The following KCNH5 variants were observed in gnomAD, a reference collection of about 807,000 sequenced individuals.
KCNH5 encodes voltage-gated delayed rectifier potassium channel KCNH5.
A neutral mutation model predicts 96.1 loss-of-function variants in KCNH5; 46 were observed. The ratio of observed to expected loss-of-function variants is 0.48; its 90% CI spans 0.38 to 0.61. The LOEUF is 0.61. KCNH5 is among the 20% of genes least tolerant of loss of function. The pLI, the probability that KCNH5 is intolerant of heterozygous loss-of-function variation, is 0.00. For missense variants in KCNH5, 907 were observed against 1,225.8 expected, an observed-to-expected ratio of 0.74 and a Z score of 3.88; for synonymous variants, 439 against 449.8, an observed-to-expected ratio of 0.98 and a Z score of 0.30.
At chr14:62,775,931 G>T (rs1886086090) in intron 10 of KCNH5, among the ~76,000 whole-genome samples, 1 of 152,172 alleles carries the variant, frequency 6.6e-6, no homozygotes, top group Non-Finnish European at 1.5e-5. Context: ...CAATGTGATG[G>T]TATTTGGAGA....
intron 8 of KCNH5, among the ~76,000 whole-genome samples, chr14:62,803,922 T>C (rs1364380366): frequency 6.6e-6 from 1 of 152,202 alleles, no homozygotes; most frequent in Non-Finnish European, 1.5e-5. Flanking sequence ...CCCCATTAAG[T>C]TATACTGCAT....
chr14:62,818,114 G>GC (rs1265417808), intron 8 of KCNH5, among the ~76,000 whole-genome samples: 2 of 125,968 alleles, frequency 1.6e-5, no homozygotes, highest in East Asian at 5.6e-4. Context: ...GGGGGCGGGG[G>GC]GGGGGTGGAA....
chr14:62,707,524 T>A lies in KCNH5; in HGVS notation c.2951A>T (p.Asp984Val), dbSNP rs1566633394. The change falls in exon 11 of 11, where the codon GAT (aspartate) becomes GTT (valine). Residue 984 changes from aspartate to valine, a missense_variant. Coordinates refer to ENST00000322893, the MANE Select transcript of KCNH5 (RefSeq NM_139318.5). ...GTATATATATTAAAAGTGGATTTCA[T>A]CTTTGTCAGATTCAGGTGATTCAGG... is the stretch of plus-strand genomic sequence containing the variant. ...SRPESPESDK[D>V]EIHF 1 of 1,447,254 alleles carries A rather than the reference T, an allele frequency of 6.9e-7. No homozygotes were observed. The highest frequency in any genetic ancestry group is 9.1e-7 in the Non-Finnish European group (1 of 1,094,644). 89.7% of individuals were successfully genotyped at this position (1,447,254 alleles called of 1,614,324 possible). A position where few individuals can be genotyped will look rare whatever the true frequency, so the allele number is the denominator to read the frequency against.
intron 8 of KCNH5, among the ~76,000 whole-genome samples, chr14:62,824,471 A>C (rs565699467): frequency 6.6e-6 from 1 of 152,166 alleles, no homozygotes; most frequent in African/African-American, 2.4e-5. Flanking sequence ...CATGCAAAAT[A>C]GAATACTTCA....
At chr14:62,868,772 C>A (rs113110967) in intron 7 of KCNH5, among the ~76,000 whole-genome samples, 1 of 151,984 alleles carries the variant, frequency 6.6e-6, no homozygotes, top group Non-Finnish European at 1.5e-5. Context: ...TACTTAAGAG[C>A]GAGAACATGC....
chr14:62,905,302 A>C (rs1889006114), intron 7 of KCNH5, among the ~76,000 whole-genome samples: 1 of 152,240 alleles, frequency 6.6e-6, no homozygotes, highest in African/African-American at 2.4e-5. Context: ...CTATTAGCTA[A>C]AATTATTAAT....
chr14:62,747,559 A>G (rs1885404729), intron 10 of KCNH5, among the ~76,000 whole-genome samples: 1 of 152,186 alleles, frequency 6.6e-6, no homozygotes, highest in African/African-American at 2.4e-5. Context: ...CAAATGATAG[A>G]TATAATTCAG....
chr14:62,878,368 A>G, intron 7 of KCNH5, among the ~76,000 whole-genome samples: 1 of 152,068 alleles, frequency 6.6e-6, no homozygotes, highest in Middle Eastern at 3.4e-3. Flanking sequence ...TAAAAAAAGA[A>G]AAAAAAGAAA....
chr14:62,992,930 G>C (rs1456561621), intron 4 of KCNH5, among the ~76,000 whole-genome samples: 1 of 151,878 alleles, frequency 6.6e-6, no homozygotes, highest in Non-Finnish European at 1.5e-5. Context: ...TTTTCTCCTA[G>C]TATTTTTATA....
chr14:62,904,100 C>A (rs1371692438), intron 7 of KCNH5, among the ~76,000 whole-genome samples: 1 of 152,096 alleles, frequency 6.6e-6, no homozygotes, highest in Non-Finnish European at 1.5e-5. Flanking sequence ...GCATTTGTCA[C>A]AAATGCAAGC....
intron 1 of KCNH5, among the ~76,000 whole-genome samples, chr14:63,025,942 T>C (rs544874950): frequency 2.1e-4 from 32 of 151,964 alleles, no homozygotes; most frequent in Non-Finnish European, 4.1e-4. Flanking sequence ...GCCAGAGTCA[T>C]TATACTACCA....
rs902485385 is a variant in KCNH5 at position 63,045,221 on chromosome 14, C to T, written c.-35G>A. 5.2e-6 allele frequency: 8 copies of T among 1,541,352 alleles called. No individual in the cohort carries two copies. In the African/African-American group the frequency reaches 6.8e-5, roughly 13 times the overall value. On this transcript the variant is annotated 5_prime_UTR_variant, in exon 1 of 11. Coordinates refer to ENST00000322893, the MANE Select transcript of KCNH5 (RefSeq NM_139318.5). ...GGAGAGCAGCGGCCAGGATCCGCGG[C>T]GGGGGAGGGGGGGATGCAGGCAAAG...
chr14:63,023,216 G>GA (rs1303509630), intron 1 of KCNH5, among the ~76,000 whole-genome samples: 1 of 149,774 alleles, frequency 6.7e-6, no homozygotes, highest in East Asian at 2.0e-4. Context: ...AAAAAAAAAA[G>GA]AAAAAATTAA....
intron 10 of KCNH5, among the ~76,000 whole-genome samples, chr14:62,735,209 G>C (rs188828570): frequency 6.6e-6 from 1 of 152,288 alleles, no homozygotes; most frequent in Admixed American, 6.5e-5. Context: ...AGAGTCAAAA[G>C]GAAGAGTAGA....
chr14:62,851,333 G>T (rs555047652), intron 7 of KCNH5, among the ~76,000 whole-genome samples: 115 of 152,078 alleles, frequency 7.6e-4, no homozygotes, highest in African/African-American at 2.6e-3. Flanking sequence ...TCAACGTCCT[G>T]TGTGCATATA....
chr14:62,830,887 C>A (rs1285879338), intron 8 of KCNH5, among the ~76,000 whole-genome samples: 1 of 152,108 alleles, frequency 6.6e-6, no homozygotes. Flanking sequence ...CTTCTGATAT[C>A]CTGTTCATTA....
intron 10 of KCNH5, among the ~76,000 whole-genome samples, chr14:62,746,137 A>G (rs1885370556): frequency 6.6e-6 from 1 of 152,228 alleles, no homozygotes; most frequent in Non-Finnish European, 1.5e-5. Context: ...TCTGCCACAC[A>G]CTTTCATGGC....
At chr14:62,781,771 C>T (rs1224823274) in intron 9 of KCNH5, among the ~76,000 whole-genome samples, 1 of 152,170 alleles carries the variant, frequency 6.6e-6, no homozygotes, top group Non-Finnish European at 1.5e-5. Context: ...GCCCACATTT[C>T]ATATTGCTCA....
intron 10 of KCNH5, among the ~76,000 whole-genome samples, chr14:62,718,075 C>A (rs1246588619): frequency 1.3e-5 from 2 of 152,048 alleles, no homozygotes; most frequent in African/African-American, 4.8e-5. Context: ...TGGGTACACA[C>A]AGATGTAAAG....
Sources: allele counts gnomAD v4.1 joint callset (sites outside exome capture counted in the v4.1 genomes callset), GRCh38; gene constraint gnomAD v4.1.1; transcripts MANE v1.5; gene names NCBI Gene and HGNC (gene_info 2026-07-23, HGNC 2026-07-21).